TOPBP1: variants seen among roughly 807,000 people sequenced by gnomAD.
TOPBP1 encodes the protein DNA topoisomerase II binding protein 1, also known as DNA topoisomerase 2-binding protein 1.
Under a neutral mutation model 167.7 loss-of-function variants are expected in TOPBP1, and 28 were observed. That is an observed-to-expected ratio of 0.17 (90% CI 0.12 to 0.23). TOPBP1 has a LOEUF of 0.23. TOPBP1 is among the 10% of genes least tolerant of loss of function. The probability of loss-of-function intolerance (pLI) is 1.00; values close to 1 mark genes in which losing one functional copy is unlikely to be tolerated. For missense variants in TOPBP1, 1,554 were observed against 1,809.6 expected, an observed-to-expected ratio of 0.86 and a Z score of 2.56; for synonymous variants, 598 against 611.4, an observed-to-expected ratio of 0.98 and a Z score of 0.32.
intron 10 of TOPBP1, among the ~76,000 whole-genome samples, chr3:133,645,242 C>T (rs1484987260): frequency 6.6e-6 from 1 of 152,112 alleles, no homozygotes; most frequent in East Asian, 1.9e-4. Flanking sequence ...CTTATGACTC[C>T]TACTAAACAT....
intron 14 of TOPBP1, among the ~76,000 whole-genome samples, chr3:133,631,393 C>A (rs953079770): frequency 3.3e-5 from 5 of 152,152 alleles, no homozygotes; most frequent in Non-Finnish European, 7.3e-5. Context: ...ACTACTGCAA[C>A]TTTATAGGAG....
At chr3:133,635,022 T>C (rs1272721679) in intron 14 of TOPBP1, among the ~76,000 whole-genome samples, 1 of 152,204 alleles carries the variant, frequency 6.6e-6, no homozygotes, top group East Asian at 1.9e-4. Flanking sequence ...AGATCTTCTA[T>C]ACAGGCAATT....
rs373548549 is a variant in TOPBP1, at chr3:133,627,597, T to A, written c.2804+765A>T. Among the ~76,000 whole-genome samples, 7 of 152,250 alleles carry A rather than the reference T, an allele frequency of 4.6e-5. 1 individual carries two copies. Among genetic ancestry groups the A allele is most frequent in the Admixed American group, 6.5e-5 (1 of 15,294 alleles). ...TTATCAAATAGAAAACAAACTGAAA[T>A]AAGAGTTACCAAAGGGGAAGATGAA... On this transcript the variant is annotated intron_variant, in intron 16 of 27. Transcript: ENST00000260810.
chr3:133,608,560 T>A lies in TOPBP1; in HGVS notation c.4400A>T (p.Glu1467Val), dbSNP rs1282660552. 6.2e-7 allele frequency: 1 copy of A among 1,613,732 alleles called. No individual in the cohort carries two copies. The highest frequency in any genetic ancestry group is 8.5e-7 in the Non-Finnish European group (1 of 1,179,736). ...AAQNVYCLRT[E>V]YIADYLMQES... ...CTGCATGAGATAATCAGCAATGTAT[T>A]CTGTTCTCAAGCAGTACACGTTCTG... The change falls in exon 27 of 28, where the codon GAA becomes GTA. Residue 1467 changes from glutamate to valine, a missense_variant. Around this residue, in one of 3 missense-constraint regions of TOPBP1, gnomAD observed 351 missense variants for 432.9 expected, o/e 0.81. Coordinates refer to ENST00000260810, the MANE Select transcript of TOPBP1 (RefSeq NM_007027.4).
At chr3:133,631,343 T>C (rs1340278084) in intron 14 of TOPBP1, among the ~76,000 whole-genome samples, 1 of 152,234 alleles carries the variant, frequency 6.6e-6, no homozygotes, top group Admixed American at 6.5e-5. Context: ...TATAATCTTA[T>C]ACACTAACTT....
chr3:133,608,449 G>A (rs1934563820), intron 27 of TOPBP1, 86 bp downstream of exon 27: 2 of 1,444,608 alleles, frequency 1.4e-6, no homozygotes. Context: ...CTAATCATGA[G>A]CTGAAGGTTT....
intron 7 of TOPBP1, 122 bp from the exon 8 acceptor site, chr3:133,652,751 G>A (rs1266746488): frequency 6.6e-6 from 5 of 753,178 alleles, no homozygotes; most frequent in African/African-American, 3.6e-5. Flanking sequence ...AAGATTCAGG[G>A]GTGTTTACTG....
intron 19 of TOPBP1, among the ~76,000 whole-genome samples, chr3:133,621,058 C>G (rs1935074764): frequency 6.6e-6 from 1 of 152,160 alleles, no homozygotes; most frequent in African/African-American, 2.4e-5. Flanking sequence ...GTGGCCCAGG[C>G]TGGACTGCAG....
chr3:133,605,776 A>C (rs1162835772), intron 27 of TOPBP1, among the ~76,000 whole-genome samples: 1 of 152,198 alleles, frequency 6.6e-6, no homozygotes, highest in Non-Finnish European at 1.5e-5. Context: ...CACATAAGAC[A>C]ACAAGAAATA....
intron 27 of TOPBP1, among the ~76,000 whole-genome samples, chr3:133,602,549 A>G (rs1410027777): frequency 6.6e-6 from 1 of 152,216 alleles, no homozygotes; most frequent in Non-Finnish European, 1.5e-5. Flanking sequence ...AACCTATTTA[A>G]AGTAAAATCT....
intron 3 of TOPBP1, among the ~76,000 whole-genome samples, chr3:133,658,626 T>C (rs1369253835): frequency 2.0e-5 from 3 of 151,974 alleles, no homozygotes; most frequent in African/African-American, 7.3e-5. Context: ...CTGGCCAACA[T>C]CGAGAAACCC....
chr3:133,618,116 C>T, intron 21 of TOPBP1, 97 bp downstream of exon 21: 1 of 1,011,102 alleles, frequency 9.9e-7, no homozygotes, highest in Non-Finnish European at 1.4e-6. Flanking sequence ...TTTGTTTGCA[C>T]ATTCAGATCA....
At chr3:133,656,305 C>T (rs993919249) in intron 5 of TOPBP1, among the ~76,000 whole-genome samples, 2 of 152,060 alleles carry the variant, frequency 1.3e-5, no homozygotes, top group Non-Finnish European at 2.9e-5. Context: ...AGGAATGCAA[C>T]TGCCAAAATG....
At chr3:133,659,567 CCATAACCT>C (rs1936608967) in intron 2 of TOPBP1, among the ~76,000 whole-genome samples, 1 of 152,162 alleles carries the variant, frequency 6.6e-6, no homozygotes, top group Non-Finnish European at 1.5e-5. Flanking sequence ...AACAAGCCAA[CCATAACCT>C]CATTTAGAGG....
At chr3:133,637,437 A>G (rs1935714895) in intron 14 of TOPBP1, among the ~76,000 whole-genome samples, 1 of 152,176 alleles carries the variant, frequency 6.6e-6, no homozygotes, top group African/African-American at 2.4e-5. Flanking sequence ...ATATACACAC[A>G]TTTTCAGAAG....
intron 25 of TOPBP1, among the ~76,000 whole-genome samples, chr3:133,609,950 T>A (rs904832716): frequency 5.6e-4 from 85 of 152,352 alleles, no homozygotes; most frequent in African/African-American, 1.9e-3. Context: ...TTATGGGTGA[T>A]TTTTAGAAAA....
At chr3:133,604,058 A>G (rs767930449) in intron 27 of TOPBP1, among the ~76,000 whole-genome samples, 6 of 151,968 alleles carry the variant, frequency 3.9e-5, no homozygotes, top group Non-Finnish European at 8.8e-5. Context: ...TTTAGGAACT[A>G]AACAACAGAC....
intron 21 of TOPBP1, 73 bp downstream of exon 21, chr3:133,618,140 T>A: frequency 7.8e-7 from 1 of 1,288,250 alleles, no homozygotes; most frequent in Non-Finnish European, 1.1e-6. Context: ...AACTACAACA[T>A]GCTCATCTGT....
At chr3:133,618,541 T>A (rs1277103722) in intron 20 of TOPBP1, 108 bp from the exon 21 acceptor site, 3 of 903,316 alleles carry the variant, frequency 3.3e-6, no homozygotes, top group Middle Eastern at 3.1e-4. Flanking sequence ...ATGCCCACCA[T>A]CTAGCACACA....
Sources: allele counts gnomAD v4.1 joint callset (sites outside exome capture counted in the v4.1 genomes callset), GRCh38; gene constraint gnomAD v4.1.1; regional missense constraint gnomAD v4.1.1; transcripts MANE v1.5; gene names NCBI Gene and HGNC (gene_info 2026-07-23, HGNC 2026-07-21).